The following EXD3 variants were observed in gnomAD, a reference collection of about 807,000 sequenced individuals.
EXD3 encodes exonuclease mut-7 homolog.
EXD3 carries 92 observed loss-of-function variants against 98.0 expected under a neutral mutation model. The ratio of observed to expected loss-of-function variants is 0.94; its 90% confidence interval spans 0.79 to 1.12. The LOEUF (loss-of-function observed/expected upper bound fraction) is 1.12, where lower values mean the gene tolerates loss of function less well. EXD3 is among the 50% of genes most tolerant of loss of function. EXD3 has a pLI of 0.00. For missense variants in EXD3, 1,222 were observed against 1,191.6 expected (o/e 1.03, Z -0.38); for synonymous variants, 569 against 526.0 (o/e 1.08, Z -1.12).
rs1832275413 is a variant in EXD3 at position 137,324,438 on chromosome 9, A to G, written c.1999-295T>C. On this transcript the variant is annotated intron_variant, in intron 17 of 21. Coordinates refer to ENST00000340951, the MANE Select transcript of EXD3 (RefSeq NM_017820.5). This position sits in a 1 kb window ranked among gnomAD's most constrained non-coding sequence, Gnocchi z 4.1. ...TCAAAAGCAGAAGAAAATGAAATAC[A>G]TAAAACATACACAGAAGTATTCCAA... 6.6e-6 allele frequency among the ~76,000 whole-genome samples: 1 copy of G among 152,206 alleles called. No individual in the cohort carries two copies. Among genetic ancestry groups the G allele is most frequent in the Non-Finnish European group, 1.5e-5 (1 of 68,040 alleles).
rs1388651987 is a variant in EXD3, at chr9:137,371,706, C to T, written c.462+1199G>A. ...CCAGGCACCCCCGGGGCTGGGCACC[C>T]CCAGGCAGGACACCCCTGGGCCAAG... On this transcript the variant is annotated intron_variant, in intron 5 of 21. Coordinates refer to ENST00000340951, the MANE Select transcript of EXD3 (RefSeq NM_017820.5). The surrounding 1 kb of genome is among the most constrained non-coding windows in gnomAD (Gnocchi z 8.0). Among the ~76,000 whole-genome samples the T allele has an allele frequency of 5.3e-5, 8 of 151,652 alleles. No homozygotes were observed. Among genetic ancestry groups the T allele is most frequent in the African/African-American group, 1.9e-4 (8 of 41,290 alleles).
intron 17 of EXD3, among the ~76,000 whole-genome samples, chr9:137,328,366 C>G (rs1217743189): frequency 1.3e-5 from 2 of 151,914 alleles, no homozygotes; most frequent in African/African-American, 2.4e-5. Flanking sequence ...AACGAATAAA[C>G]ACCCATATGA....
At chr9:137,355,496 G>GAAA (rs1564508297) in intron 8 of EXD3, among the ~76,000 whole-genome samples, 1 of 97,468 alleles carries the variant, frequency 1.0e-5, no homozygotes, top group Admixed American at 9.5e-5. Flanking sequence ...GGAGGATGGA[G>GAAA]GAAGGAGGAA....
intron 5 of EXD3, among the ~76,000 whole-genome samples, chr9:137,370,705 G>C (rs989205550): frequency 6.6e-6 from 1 of 151,644 alleles, no homozygotes; most frequent in Non-Finnish European, 1.5e-5. Flanking sequence ...GGGCAGGAAG[G>C]CTGGGCAGGT....
intron 17 of EXD3, among the ~76,000 whole-genome samples, chr9:137,333,309 C>T (rs374300202): frequency 1.8e-4 from 28 of 152,224 alleles, no homozygotes; most frequent in African/African-American, 6.3e-4. Flanking sequence ...CACTGGCTTC[C>T]TGGCTCCTTA....
chr9:137,354,854 C>G, intron 8 of EXD3, 81 bp from the exon 9 acceptor site: 1 of 1,394,546 alleles, frequency 7.2e-7, no homozygotes. Context: ...TGGAGACGGG[C>G]AGAGGGGCTG....
At chr9:137,320,880 G>T (rs574398008) in intron 19 of EXD3, among the ~76,000 whole-genome samples, 7 of 152,310 alleles carry the variant, frequency 4.6e-5, no homozygotes, top group Admixed American at 3.9e-4. Context: ...AGGCGTCCCG[G>T]ACATCCTGGG....
chr9:137,373,103 C>T (rs369598671), intron 4 of EXD3, 31 bp from the exon 5 acceptor site: 15 of 1,525,554 alleles, frequency 9.8e-6, no homozygotes, highest in African/African-American at 9.6e-5. Context: ...ACTTACTGGA[C>T]GCAGCACCCA....
chr9:137,352,264 A>G, intron 11 of EXD3, 63 bp from the exon 12 acceptor site: 1 of 1,602,464 alleles, frequency 6.2e-7, no homozygotes, highest in Non-Finnish European at 8.5e-7. Flanking sequence ...CTGACCTCGG[A>G]GCAGGAGGGG....
chr9:137,328,580 AG>A lies in EXD3; in HGVS notation c.1999-4438del, dbSNP rs1350977899. 1.9e-3 allele frequency among the ~76,000 whole-genome samples: 172 copies of A among 91,724 alleles called. 3 individuals are homozygous for A. Among genetic ancestry groups the A allele is most frequent in the African/African-American group, 7.4e-3 (160 of 21,700 alleles). The allele number at this position is 91,724 out of a possible 152,430, so 60.2% of individuals were successfully genotyped here. A position where few individuals can be genotyped will look rare whatever the true frequency, so the allele number is the denominator to read the frequency against. On this transcript the variant is annotated intron_variant, in intron 17 of 21. Coordinates refer to ENST00000340951, the MANE Select transcript of EXD3 (RefSeq NM_017820.5). The stretch of plus-strand genomic sequence containing the variant: ...GGAAGAAACAGACTAGTTACACAGG[AG>A]CTACACGGGACTACACGGGACTACA...
At chr9:137,335,440 G>A (rs1286145780) in intron 17 of EXD3, among the ~76,000 whole-genome samples, 1 of 152,190 alleles carries the variant, frequency 6.6e-6, no homozygotes, top group East Asian at 1.9e-4. Flanking sequence ...CAGCACTTTG[G>A]GAGGCCAAGG....
intron 17 of EXD3, among the ~76,000 whole-genome samples, chr9:137,330,634 A>AGCTACACAGGACTACACAGGAG (rs1295168193): frequency 9.1e-6 from 1 of 109,990 alleles, no homozygotes; most frequent in Non-Finnish European, 2.1e-5. Flanking sequence ...ACTACACAGG[A>AGCTACACAGGACTACACAGGAG]CTACACAGGA....
Position 137,352,788 on chromosome 9 carries a change from T to G in EXD3, c.871-2A>C. On this transcript the variant is annotated splice_acceptor_variant, in intron 10 of 21. Coordinates refer to ENST00000340951, the MANE Select transcript of EXD3 (RefSeq NM_017820.5). LOFTEE classifies it high-confidence loss of function. ...CCACGGGCTCTGCCCCACCAGGCCCTGTGAGGAGGGTGGCCGTGAGGATGG... is the reference window on the plus strand; with the variant it reads ...CCACGGGCTCTGCCCCACCAGGCCCGGTGAGGAGGGTGGCCGTGAGGATGG... 1 of 1,579,924 alleles carries G rather than the reference T, an allele frequency of 6.3e-7. No individual in the cohort carries two copies. The highest frequency in any genetic ancestry group is 8.6e-7 in the Non-Finnish European group (1 of 1,165,340).
In EXD3 at chr9:137,385,825, C is replaced by T. The variant is rs563659601; in HGVS notation, c.56-2448G>A. Among the ~76,000 whole-genome samples the T allele has an allele frequency of 5.9e-5, 9 of 152,188 alleles. No homozygotes were observed. The highest frequency in any genetic ancestry group is 1.9e-4 in the East Asian group (1 of 5,176). On this transcript the variant is annotated intron_variant, in intron 2 of 21. Coordinates refer to ENST00000340951, the MANE Select transcript of EXD3 (RefSeq NM_017820.5). The surrounding 1 kb of genome is among the most constrained non-coding windows in gnomAD (Gnocchi z 4.4). ...CTGGGATGACAGGCGTGAGCCACCG[C>T]GCCCAGCCCAGATTTTCTTTTAAAG...
chr9:137,310,427 C>T (rs1055041495), intron 19 of EXD3, among the ~76,000 whole-genome samples: 26 of 152,276 alleles, frequency 1.7e-4, no homozygotes, highest in African/African-American at 5.5e-4. Flanking sequence ...TGAGGTCTCA[C>T]GATATTGCCC....
Position 137,367,950 on chromosome 9 carries a change from G to C in EXD3, c.502C>G (p.Leu168Val). The change falls in exon 6 of 22, where the codon CTT (leucine) becomes GTT (valine). Residue 168 changes from leucine to valine, a missense_variant. By Grantham distance (32) the Leu-to-Val change is conservative (BLOSUM62 1). Coordinates refer to ENST00000340951, the MANE Select transcript of EXD3 (RefSeq NM_017820.5). ...AAGACGTTCACCTTTTCAACGCCAA[G>C]CTCCGACTGCAGCTTCAACGTCGCG... Reference protein sequence around the residue: ...LGATLKLQSELGVEKMSIPLL... With the variant: ...LGATLKLQSEVGVEKMSIPLL... 1 of 1,612,012 alleles carries C rather than the reference G, an allele frequency of 6.2e-7. No homozygotes were observed. Among genetic ancestry groups the C allele is most frequent in the Non-Finnish European group, 8.5e-7 (1 of 1,179,686 alleles).
chr9:137,397,481 T>A (rs1305653952), intron 1 of EXD3, among the ~76,000 whole-genome samples: 3 of 152,062 alleles, frequency 2.0e-5, no homozygotes, highest in African/African-American at 7.3e-5. Context: ...CAATGGATAA[T>A]TCACGAAACT....
At chr9:137,389,137 G>A (rs1193496323) in intron 2 of EXD3, among the ~76,000 whole-genome samples, 4 of 152,164 alleles carry the variant, frequency 2.6e-5, no homozygotes, top group Admixed American at 6.5e-5. Context: ...CAGCCCAACC[G>A]TCTCTGGTCT....
intron 17 of EXD3, among the ~76,000 whole-genome samples, chr9:137,331,921 A>T (rs1020179182): frequency 2.0e-4 from 31 of 152,288 alleles, no homozygotes; most frequent in Admixed American, 1.5e-3. Context: ...GTCTCAAAAA[A>T]TAAAAATAAA....
Sources: allele counts gnomAD v4.1 joint callset (sites outside exome capture counted in the v4.1 genomes callset), GRCh38; gene constraint gnomAD v4.1.1; non-coding constraint Gnocchi (gnomAD v3.1); transcripts MANE v1.5; gene names NCBI Gene and HGNC (gene_info 2026-07-23, HGNC 2026-07-21).